Variants in NR3C2 observed in about 807,000 individuals in gnomAD.
The protein encoded by NR3C2 is mineralocorticoid receptor.
In NR3C2, 15 loss-of-function variants were observed where a neutral mutation model predicts 86.4. The ratio of observed to expected loss-of-function variants is 0.17; its 90% CI spans 0.12 to 0.27. The LOEUF is 0.27. Among genes scored for constraint, NR3C2 ranks in the 10% least tolerant of loss-of-function variants. The pLI is 1.00. For synonymous variants in NR3C2, 458 were observed against 450.5 expected, an observed-to-expected ratio of 1.02 and a Z score of -0.21; for missense variants, 960 against 1,195.6, an observed-to-expected ratio of 0.80 and a Z score of 2.91.
intron 2 of NR3C2, among the ~76,000 whole-genome samples, chr4:148,374,262 T>C (rs1271570937): frequency 6.6e-6 from 1 of 152,202 alleles, no homozygotes; most frequent in East Asian, 1.9e-4. Context: ...ATAAATTAAA[T>C]ATTCACTACA....
intron 2 of NR3C2, among the ~76,000 whole-genome samples, chr4:148,304,895 C>CTT (rs34499764): frequency 5.0e-5 from 7 of 140,638 alleles, no homozygotes; most frequent in African/African-American, 1.0e-4. Flanking sequence ...TGGCAGGACC[C>CTT]TTTTTTTTTT....
At chr4:148,370,785 C>T (rs771791298) in intron 2 of NR3C2, among the ~76,000 whole-genome samples, 7 of 152,026 alleles carry the variant, frequency 4.6e-5, no homozygotes, top group African/African-American at 7.3e-5. Flanking sequence ...ACAAACGTAA[C>T]GTTCCTCTCA....
rs1414328296 is a variant in NR3C2, at chr4:148,363,502, A to ATTTTTTTTTTT, written c.1757+71601_1757+71602insAAAAAAAAAAA. On this transcript the variant is annotated intron_variant, in intron 2 of 8. Transcript: ENST00000358102. ...CCATTAAAGTCTAGACTTCTCATAGATCTCTTTTTTTTTTTTTTTGAGACG... is the reference window on the plus strand; with the variant it reads ...CCATTAAAGTCTAGACTTCTCATAGATTTTTTTTTTTTCTCTTTTTTTTTTTTTTTGAGACG... 1.8e-4 allele frequency among the ~76,000 whole-genome samples: 3 copies of ATTTTTTTTTTT among 16,224 alleles called. 1 individual carries two copies. Among genetic ancestry groups the ATTTTTTTTTTT allele is most frequent in the Non-Finnish European group, 2.6e-4 (2 of 7,670 alleles). 10.6% of individuals were successfully genotyped at this position (16,224 alleles called of 152,430 possible). A position where few individuals can be genotyped will look rare whatever the true frequency, so the allele number is the denominator to read the frequency against.
At chr4:148,407,055 G>C (rs1238249976) in intron 2 of NR3C2, among the ~76,000 whole-genome samples, 1 of 152,192 alleles carries the variant, frequency 6.6e-6, no homozygotes, top group Non-Finnish European at 1.5e-5. Context: ...AAATGTATCT[G>C]TGGGTATTAT....
intron 8 of NR3C2, among the ~76,000 whole-genome samples, chr4:148,113,179 G>A (rs1560928021): frequency 1.3e-5 from 2 of 152,146 alleles, no homozygotes; most frequent in Non-Finnish European, 2.9e-5. Context: ...TTAGAAACAA[G>A]CTTAGAATCT....
At chr4:148,399,479 A>G (rs950195514) in intron 2 of NR3C2, among the ~76,000 whole-genome samples, 3 of 152,026 alleles carry the variant, frequency 2.0e-5, no homozygotes, top group African/African-American at 7.2e-5. Context: ...GATAAAACAA[A>G]TATCTTCATT....
intron 2 of NR3C2, among the ~76,000 whole-genome samples, chr4:148,411,503 T>C (rs1427598548): frequency 6.6e-6 from 1 of 152,272 alleles, no homozygotes; most frequent in Non-Finnish European, 1.5e-5. Flanking sequence ...CTTTGTTCTG[T>C]ATTTTTATAC....
At chr4:148,087,100 A>T (rs1326314789) in intron 8 of NR3C2, among the ~76,000 whole-genome samples, 1 of 152,236 alleles carries the variant, frequency 6.6e-6, no homozygotes, top group Non-Finnish European at 1.5e-5. Flanking sequence ...AGTGTGCAAA[A>T]GTTACAAGCA....
intron 3 of NR3C2, among the ~76,000 whole-genome samples, chr4:148,206,688 G>A (rs1737025179): frequency 6.6e-6 from 1 of 152,190 alleles, no homozygotes; most frequent in Non-Finnish European, 1.5e-5. Context: ...GAGAGTGGAA[G>A]GGAGAGGAAC....
chr4:148,388,968 A>G (rs1427215852), intron 2 of NR3C2, among the ~76,000 whole-genome samples: 2 of 152,236 alleles, frequency 1.3e-5, no homozygotes, highest in African/African-American at 2.4e-5. Context: ...CTGCTAGCTT[A>G]CAGGAGAAAG....
chr4:148,371,653 C>T (rs948182397), intron 2 of NR3C2, among the ~76,000 whole-genome samples: 4 of 151,748 alleles, frequency 2.6e-5, no homozygotes, highest in Admixed American at 2.0e-4. Context: ...TTCAAAAGCA[C>T]CCGAAATTTG....
chr4:148,265,994 A>G (rs1272860661), intron 2 of NR3C2, among the ~76,000 whole-genome samples: 1 of 152,182 alleles, frequency 6.6e-6, no homozygotes, highest in African/African-American at 2.4e-5. Flanking sequence ...GAAGTATTAC[A>G]AAGAAAATGA....
chr4:148,180,319 G>A (rs1735589110), intron 4 of NR3C2, among the ~76,000 whole-genome samples: 1 of 151,692 alleles, frequency 6.6e-6, no homozygotes. Context: ...TGGTCTCTGG[G>A]TCTTTTGTTT....
At chr4:148,206,826 A>C (rs773443837) in intron 3 of NR3C2, among the ~76,000 whole-genome samples, 1 of 152,226 alleles carries the variant, frequency 6.6e-6, no homozygotes, top group Non-Finnish European at 1.5e-5. Flanking sequence ...ATATGACAGC[A>C]TGAGCTGAAA....
intron 4 of NR3C2, among the ~76,000 whole-genome samples, chr4:148,174,766 T>TCCTC (rs1560960151): frequency 6.6e-6 from 1 of 151,896 alleles, no homozygotes; most frequent in African/African-American, 2.4e-5. Context: ...GGTCCCTCCT[T>TCCTC]CTCCTCCTCG....
At chr4:148,284,040 T>G (rs189607527) in intron 2 of NR3C2, among the ~76,000 whole-genome samples, 8 of 152,214 alleles carry the variant, frequency 5.3e-5, no homozygotes, top group African/African-American at 1.7e-4. Flanking sequence ...ACGGGAGAGA[T>G]AAGTCTATAA....
chr4:148,377,665 A>T (rs918747948), intron 2 of NR3C2, among the ~76,000 whole-genome samples: 14 of 152,354 alleles, frequency 9.2e-5, no homozygotes, highest in Admixed American at 9.1e-4. Flanking sequence ...ATTTGTAAAG[A>T]GTAGATAAAC....
chr4:148,362,515 G>A (rs899539763), intron 2 of NR3C2, among the ~76,000 whole-genome samples: 2 of 152,096 alleles, frequency 1.3e-5, no homozygotes, highest in Non-Finnish European at 2.9e-5. Flanking sequence ...TGAAGTCTGA[G>A]CCTTTACCTT....
intron 8 of NR3C2, among the ~76,000 whole-genome samples, chr4:148,112,151 T>C (rs955285476): frequency 6.6e-6 from 1 of 152,192 alleles, no homozygotes; most frequent in African/African-American, 2.4e-5. Flanking sequence ...AAGGAGGTTT[T>C]GACCCATGGA....
Sources: allele counts gnomAD v4.1 joint callset (sites outside exome capture counted in the v4.1 genomes callset), GRCh38; gene constraint gnomAD v4.1.1; transcripts MANE v1.5; gene names NCBI Gene and HGNC (gene_info 2026-07-23, HGNC 2026-07-21).